DENND4A: variants seen among roughly 807,000 people sequenced by gnomAD.
The protein encoded by DENND4A is C-myc promoter-binding protein.
Under a neutral mutation model 199.3 loss-of-function variants are expected in DENND4A, and 70 were observed. That is an observed-to-expected ratio of 0.35 (90% CI 0.29 to 0.43). The LOEUF (loss-of-function observed/expected upper bound fraction) is 0.43. DENND4A is among the 20% of genes least tolerant of loss of function. The pLI is 1.00. For missense variants in DENND4A, 1,723 were observed against 2,255.8 expected (o/e 0.76, Z 4.78); for synonymous variants, 686 against 766.9 (o/e 0.89, Z 1.74).
chr15:65,717,984 G>C lies in DENND4A; in HGVS notation c.1601C>G (p.Pro534Arg). ...HQQLAKLQQR[P>R]RDDGLMDLAI... ...TAAATCCATGAGTCCATCATCTCTC[G>C]GTCTCTGCTGCACTGTGAAGACATA... is the stretch of plus-strand genomic sequence containing the variant. The change falls in exon 13 of 33, where the codon CCG becomes CGG. Residue 534 changes from proline (P) to arginine (R), a missense_variant. By Grantham distance (103) the Pro-to-Arg change is moderately radical. Coordinates refer to ENST00000443035, the MANE Select transcript of DENND4A (RefSeq NM_001320835.1). The C allele has an allele frequency of 6.3e-7, 1 of 1,599,392 alleles. No individual in the cohort carries two copies. Among genetic ancestry groups the C allele is most frequent in the East Asian group, 2.2e-5 (1 of 44,620 alleles).
chr15:65,790,640 A>C (rs992418187), intron 1 of DENND4A, among the ~76,000 whole-genome samples: 2 of 152,188 alleles, frequency 1.3e-5, no homozygotes, highest in Non-Finnish European at 2.9e-5. Context: ...CGTGAAAATA[A>C]AGTAAAAATT....
chr15:65,757,229 C>T (rs776849668), intron 2 of DENND4A, among the ~76,000 whole-genome samples: 12 of 139,730 alleles, frequency 8.6e-5, no homozygotes, highest in Non-Finnish European at 1.5e-4. Context: ...AATCAAGAGG[C>T]TTGTGTGTTT....
chr15:65,668,166 T>A (rs1431421527), intron 27 of DENND4A, 43 bp from the exon 28 acceptor site: 2 of 1,393,882 alleles, frequency 1.4e-6, no homozygotes. Context: ...GTGTCTAGAT[T>A]TACTTTACTT....
At chr15:65,681,847 C>T (rs1011877799) in intron 23 of DENND4A, among the ~76,000 whole-genome samples, 1 of 152,160 alleles carries the variant, frequency 6.6e-6, no homozygotes, top group Non-Finnish European at 1.5e-5. Flanking sequence ...GGATTACACG[C>T]GTGAGCCACT....
chr15:65,777,378 A>C (rs2077310661), intron 1 of DENND4A, among the ~76,000 whole-genome samples: 1 of 151,096 alleles, frequency 6.6e-6, no homozygotes, highest in Non-Finnish European at 1.5e-5. Flanking sequence ...TTTAAGACAG[A>C]GTCTTACTCT....
chr15:65,678,991 T>C (rs1396325240), intron 23 of DENND4A, among the ~76,000 whole-genome samples: 1 of 150,684 alleles, frequency 6.6e-6, no homozygotes, highest in Non-Finnish European at 1.5e-5. Flanking sequence ...TGCCTGGGCT[T>C]TATCTCTTAC....
chr15:65,669,648 GAATTT>G, intron 27 of DENND4A, 126 bp downstream of exon 27: 1 of 760,338 alleles, frequency 1.3e-6, no homozygotes, highest in African/African-American at 1.8e-5. Flanking sequence ...TTAAGAGTAA[GAATTT>G]AAGATTATGA....
intron 1 of DENND4A, among the ~76,000 whole-genome samples, chr15:65,772,886 A>C (rs2077174199): frequency 6.6e-6 from 1 of 151,618 alleles, no homozygotes; most frequent in Non-Finnish European, 1.5e-5. Flanking sequence ...GGATACACGA[A>C]GTCAGCAGTC....
intron 1 of DENND4A, among the ~76,000 whole-genome samples, chr15:65,784,767 C>T (rs1158905136): frequency 6.6e-6 from 1 of 151,960 alleles, no homozygotes; most frequent in Non-Finnish European, 1.5e-5. Flanking sequence ...GTAAGAACTA[C>T]AGGAGCAGAA....
At chr15:65,684,136 G>A (rs753277833) in intron 23 of DENND4A, among the ~76,000 whole-genome samples, 1 of 152,114 alleles carries the variant, frequency 6.6e-6, no homozygotes, top group Admixed American at 6.5e-5. Context: ...ACGGAAATTT[G>A]GGTTGTTTCC....
chr15:65,693,314 C>T (rs938820394), intron 22 of DENND4A, among the ~76,000 whole-genome samples: 6 of 151,996 alleles, frequency 3.9e-5, no homozygotes, highest in Non-Finnish European at 7.4e-5. Context: ...TTGGCTTGAT[C>T]GAATAGGTGA....
At chr15:65,718,228 G>GA (rs962610187) in intron 12 of DENND4A, among the ~76,000 whole-genome samples, 9 of 150,142 alleles carry the variant, frequency 6.0e-5, no homozygotes, top group African/African-American at 9.8e-5. Context: ...CTACCACCAG[G>GA]AAAAAAAAAG....
At chr15:65,719,698 T>C (rs1298056494) in intron 12 of DENND4A, among the ~76,000 whole-genome samples, 2 of 151,036 alleles carry the variant, frequency 1.3e-5, no homozygotes, top group African/African-American at 2.4e-5. Flanking sequence ...AAGACCAGCA[T>C]GGCAATATAG....
intron 32 of DENND4A, among the ~76,000 whole-genome samples, chr15:65,663,764 C>T (rs1012401754): frequency 6.6e-6 from 1 of 152,074 alleles, no homozygotes; most frequent in Admixed American, 6.6e-5. Flanking sequence ...ATACTTTCAC[C>T]TCAGCCTCCC....
intron 13 of DENND4A, among the ~76,000 whole-genome samples, chr15:65,717,530 A>C (rs1487164234): frequency 6.6e-6 from 1 of 152,110 alleles, no homozygotes; most frequent in Admixed American, 6.6e-5. Context: ...GTGACACAAA[A>C]GTGTAGTCGG....
intron 8 of DENND4A, 54 bp downstream of exon 8, chr15:65,732,698 G>C: frequency 9.7e-7 from 1 of 1,030,012 alleles, no homozygotes; most frequent in Non-Finnish European, 1.5e-6. Context: ...GTTACATTTT[G>C]ACAGAGCCAA....
At position 65,691,062 on chromosome 15, in the gene DENND4A, T is replaced by C. The variant is rs1369114038; in HGVS notation, c.3532A>G (p.Lys1178Glu). 1.2e-6 allele frequency: 2 copies of C among 1,612,952 alleles called. No individual in the cohort carries two copies. The highest frequency in any genetic ancestry group is 1.7e-6 in the Non-Finnish European group (2 of 1,179,496). Residue 1178 changes from lysine (K) to glutamate (E), a missense_variant, in exon 23 of 33, where the codon AAA (lysine) becomes GAA (glutamate). Lys to Glu is a moderately conservative substitution (Grantham distance 56). Transcript: ENST00000443035. ...TTTTGTGTAGCAACACATCCTGCTT[T>C]TGATACATCTGTTTCACTGTCTAAG... ...EDLDSETDVS[K>E]AGCVATQNPK...
intron 14 of DENND4A, among the ~76,000 whole-genome samples, chr15:65,707,626 A>T (rs1168908536): frequency 6.6e-6 from 1 of 152,182 alleles, no homozygotes; most frequent in East Asian, 1.9e-4. Context: ...TAATGAGAAA[A>T]ACATTTACAA....
intron 23 of DENND4A, among the ~76,000 whole-genome samples, chr15:65,684,997 CG>C (rs2076712821): frequency 6.6e-6 from 1 of 150,852 alleles, no homozygotes; most frequent in African/African-American, 2.4e-5. Flanking sequence ...GCTAATCTTT[CG>C]TATTTTTAGT....
Sources: gnomAD v4.1 joint callset for allele counts (sites outside exome capture counted in the v4.1 genomes callset) on GRCh38, gnomAD v4.1.1 for gene constraint, MANE v1.5 for transcripts, NCBI Gene and HGNC (gene_info 2026-07-23, HGNC 2026-07-21) for gene names.